DGKB: variants seen among roughly 807,000 people sequenced by gnomAD.
The protein encoded by DGKB is 90 kDa diacylglycerol kinase.
A neutral mutation model predicts 114.3 loss-of-function variants in DGKB; 67 were observed. That is an observed-to-expected ratio of 0.59 (90% confidence interval 0.48 to 0.72). The LOEUF is 0.72. DGKB is among the 30% of genes least tolerant of loss of function. The pLI is 0.00. For missense variants in DGKB, 907 were observed against 975.2 expected (o/e 0.93, Z 0.93); for synonymous variants, 398 against 323.1 (o/e 1.23, Z -2.49).
chr7:14,701,641 T>C (rs770817785), intron 7 of DGKB, 40 bp downstream of exon 7: 2 of 1,444,510 alleles, frequency 1.4e-6, no homozygotes, highest in Admixed American at 3.4e-5. Flanking sequence ...CAGAAGAAAA[T>C]CTTTGAAGTT....
At chr7:14,603,909 A>G (rs967274310) in intron 17 of DGKB, among the ~76,000 whole-genome samples, 2 of 152,160 alleles carry the variant, frequency 1.3e-5, no homozygotes, top group Admixed American at 1.3e-4. Context: ...GGGGAAAAGT[A>G]ATGTCACAAG....
At chr7:14,677,493 A>G (rs574081729) in intron 12 of DGKB, among the ~76,000 whole-genome samples, 1 of 152,008 alleles carries the variant, frequency 6.6e-6, no homozygotes, top group Non-Finnish European at 1.5e-5. Context: ...TTAGGAATTT[A>G]GTATCTTAAT....
At chr7:14,214,214 T>C (rs1312759540) in intron 23 of DGKB, among the ~76,000 whole-genome samples, 1 of 152,170 alleles carries the variant, frequency 6.6e-6, no homozygotes. Flanking sequence ...CTTGAAACCC[T>C]TGACAGGGCC....
intron 4 of DGKB, among the ~76,000 whole-genome samples, chr7:14,739,541 G>A (rs1832240915): frequency 6.6e-6 from 1 of 152,090 alleles, no homozygotes; most frequent in Non-Finnish European, 1.5e-5. Context: ...CCTTCAATGT[G>A]TCCGCATGTT....
chr7:14,734,293 C>G (rs1831380793), intron 5 of DGKB, among the ~76,000 whole-genome samples: 2 of 151,940 alleles, frequency 1.3e-5, no homozygotes, highest in South Asian at 4.1e-4. Flanking sequence ...TCCACCTCAG[C>G]CTCCGAAAGT....
chr7:14,469,133 T>A lies in DGKB; in HGVS notation c.1835+9028A>T, dbSNP rs1780909392. Reference sequence around the variant, plus strand: ...TGGGAGCCCCAGGAAATATCTTCCCTCTGTAAAGTTACAAAGTAGAATTTT... The same window carrying A: ...TGGGAGCCCCAGGAAATATCTTCCCACTGTAAAGTTACAAAGTAGAATTTT... On this transcript the variant is annotated intron_variant, in intron 21 of 25. Transcript: ENST00000402815. Among the ~76,000 whole-genome samples the A allele has an allele frequency of 5.3e-5, 8 of 152,156 alleles. No homozygotes were observed. In the South Asian group the frequency reaches 1.7e-3, roughly 32 times the overall value.
At chr7:14,791,540 G>C (rs940800024) in intron 2 of DGKB, among the ~76,000 whole-genome samples, 4 of 151,418 alleles carry the variant, frequency 2.6e-5, no homozygotes, top group African/African-American at 9.7e-5. Context: ...TAGATGTTAA[G>C]CTGTGGGTAT....
chr7:14,693,074 T>C (rs143052528), intron 9 of DGKB, among the ~76,000 whole-genome samples: 45 of 152,284 alleles, frequency 3.0e-4, no homozygotes, highest in African/African-American at 9.6e-4. Context: ...TGAATAACTA[T>C]GATATAGTCT....
chr7:14,945,939 T>C (rs1785849085), intron 1 of DGKB, among the ~76,000 whole-genome samples: 1 of 151,606 alleles, frequency 6.6e-6, no homozygotes, highest in Non-Finnish European at 1.5e-5. Flanking sequence ...AAAAGGAAAA[T>C]CTTGAATTTC....
chr7:14,803,815 T>G (rs1215628468), intron 2 of DGKB, among the ~76,000 whole-genome samples: 1 of 152,082 alleles, frequency 6.6e-6, no homozygotes. Flanking sequence ...TTACTTACCC[T>G]TATATGCTTA....
intron 23 of DGKB, among the ~76,000 whole-genome samples, chr7:14,203,947 C>T (rs1383422173): frequency 6.6e-6 from 1 of 151,844 alleles, no homozygotes; most frequent in African/African-American, 2.4e-5. Flanking sequence ...TGGATAAAAA[C>T]TACTCAAATC....
At chr7:14,729,196 C>G (rs1012547474) in intron 5 of DGKB, among the ~76,000 whole-genome samples, 2 of 144,026 alleles carry the variant, frequency 1.4e-5, no homozygotes, top group Admixed American at 1.4e-4. Flanking sequence ...CATCTCGGCT[C>G]ACTGCAAGCT....
At chr7:14,225,045 T>C (rs1260992467) in intron 23 of DGKB, among the ~76,000 whole-genome samples, 1 of 152,024 alleles carries the variant, frequency 6.6e-6, no homozygotes, top group East Asian at 1.9e-4. Context: ...CAGCCTACAG[T>C]GCAGCCTGCA....
intron 2 of DGKB, among the ~76,000 whole-genome samples, chr7:14,791,704 C>T (rs943732410): frequency 1.3e-4 from 20 of 151,874 alleles, no homozygotes; most frequent in African/African-American, 4.8e-4. Context: ...TTATTTTCAT[C>T]CCATTAATAT....
chr7:14,359,101 G>GATATATATAT (rs144055630), intron 21 of DGKB, among the ~76,000 whole-genome samples: 113 of 149,664 alleles, frequency 7.6e-4, no homozygotes, highest in African/African-American at 2.7e-3. Context: ...TACCAAAACA[G>GATATATATAT]ATATATATAT....
intron 23 of DGKB, among the ~76,000 whole-genome samples, chr7:14,256,664 G>A (rs62445620): frequency 0.14 from 21,875 of 152,140 alleles, 1,803 homozygotes; most frequent in Non-Finnish European, 0.19. Context: ...ATAAATTGGA[G>A]GTTATTGCAT....
At chr7:14,936,065 A>G (rs1028244271) in intron 1 of DGKB, among the ~76,000 whole-genome samples, 1 of 152,132 alleles carries the variant, frequency 6.6e-6, no homozygotes, top group Non-Finnish European at 1.5e-5. Context: ...AGAAACTAAG[A>G]TGCATGATTT....
intron 21 of DGKB, among the ~76,000 whole-genome samples, chr7:14,375,233 T>C (rs944825299): frequency 1.3e-5 from 2 of 152,362 alleles, no homozygotes; most frequent in Middle Eastern, 3.4e-3. Flanking sequence ...CCAGACCTCG[T>C]TGGAGAAGCT....
intron 1 of DGKB, among the ~76,000 whole-genome samples, chr7:14,872,883 A>C (rs943454962): frequency 6.6e-6 from 1 of 151,364 alleles, no homozygotes; most frequent in African/African-American, 2.4e-5. Context: ...AGATTTTCCA[A>C]TTTAAAAATC....
Sources: gnomAD v4.1 joint callset for allele counts (sites outside exome capture counted in the v4.1 genomes callset) on GRCh38, gnomAD v4.1.1 for gene constraint, MANE v1.5 for transcripts, NCBI Gene and HGNC (gene_info 2026-07-23, HGNC 2026-07-21) for gene names.